The following ADAMTS9 variants were observed in gnomAD, a reference collection of about 807,000 sequenced individuals.
ADAMTS9 encodes the protein ADAM metallopeptidase with thrombospondin type 1 motif 9, also known as A disintegrin and metalloproteinase with thrombospondin motifs 9.
ADAMTS9 carries 107 observed loss-of-function variants against 257.1 expected under a neutral mutation model. The observed-to-expected ratio is 0.42, with a 90% CI of 0.36 to 0.49. ADAMTS9 has a LOEUF of 0.49. Among genes scored for constraint, ADAMTS9 ranks in the 20% least tolerant of loss-of-function variants. ADAMTS9 has a pLI of 0.03. For missense variants in ADAMTS9, 2,353 were observed against 2,469.1 expected (o/e 0.95, Z 1.00); for synonymous variants, 982 against 880.9 (o/e 1.11, Z -2.03).
At chr3:64,647,874 A>G in intron 11 of ADAMTS9, 66 bp downstream of exon 11, 1 of 1,439,136 alleles carries the variant, frequency 6.9e-7, no homozygotes, top group South Asian at 1.3e-5. Context: ...TCGGTGTCTG[A>G]TCATACACCC....
chr3:64,671,297 A>T (rs566049185), intron 3 of ADAMTS9, among the ~76,000 whole-genome samples: 1 of 152,202 alleles, frequency 6.6e-6, no homozygotes, highest in Non-Finnish European at 1.5e-5. Flanking sequence ...AAAACTATAG[A>T]GACAGAAAAC....
At position 64,591,553 on chromosome 3, in the gene ADAMTS9, A is replaced by G. The variant is rs73122223; in HGVS notation, c.4356+2705T>C. Among the ~76,000 whole-genome samples, 1,025 of 152,340 alleles carry G rather than the reference A, an allele frequency of 6.7e-3. 5 individuals are homozygous for G. The highest frequency in any genetic ancestry group is 0.018 in the South Asian group (85 of 4,830). On this transcript the variant is annotated intron_variant, in intron 28 of 39. Transcript: ENST00000498707. Reference sequence around the variant, plus strand: ...TTTCTGGAGGATATTTCTCACCATCATGATTCTTAAATCCGCAATGACTTG... The same window carrying G: ...TTTCTGGAGGATATTTCTCACCATCGTGATTCTTAAATCCGCAATGACTTG...
At chr3:64,635,705 C>G (rs1024004780) in intron 12 of ADAMTS9, among the ~76,000 whole-genome samples, 3 of 152,330 alleles carry the variant, frequency 2.0e-5, no homozygotes, top group African/African-American at 7.2e-5. Flanking sequence ...GTCTCCCAGA[C>G]TCTTCTCTGT....
intron 28 of ADAMTS9, among the ~76,000 whole-genome samples, chr3:64,575,878 A>G (rs1456086525): frequency 6.6e-6 from 1 of 152,210 alleles, no homozygotes; most frequent in African/African-American, 2.4e-5. Flanking sequence ...ATTTCTATTC[A>G]GTGGACCCTT....
intron 16 of ADAMTS9, among the ~76,000 whole-genome samples, chr3:64,625,242 T>A (rs1700198240): frequency 6.6e-6 from 1 of 152,200 alleles, no homozygotes; most frequent in African/African-American, 2.4e-5. Flanking sequence ...ATCATATTGA[T>A]GATACCTGTA....
At chr3:64,591,695 T>C (rs559166330) in intron 28 of ADAMTS9, among the ~76,000 whole-genome samples, 15 of 152,294 alleles carry the variant, frequency 9.8e-5, no homozygotes, top group Middle Eastern at 3.4e-3. Context: ...TCCTAAATAC[T>C]GCTCTTTAGT....
intron 3 of ADAMTS9, among the ~76,000 whole-genome samples, chr3:64,679,881 C>A (rs1266081497): frequency 6.6e-6 from 1 of 152,146 alleles, no homozygotes; most frequent in African/African-American, 2.4e-5. Flanking sequence ...TGACTGTATA[C>A]CTGCTGCTGA....
intron 4 of ADAMTS9, among the ~76,000 whole-genome samples, chr3:64,657,827 T>C (rs1446361283): frequency 1.3e-5 from 2 of 152,178 alleles, no homozygotes; most frequent in Non-Finnish European, 2.9e-5. Flanking sequence ...GAAGTCTGCA[T>C]AGAGAATGAT....
chr3:64,568,350 A>G lies in ADAMTS9; in HGVS notation c.4524+18T>C. 2 of 1,600,776 alleles carry G rather than the reference A, an allele frequency of 1.2e-6. No homozygotes were observed. The highest frequency in any genetic ancestry group is 1.7e-6 in the Non-Finnish European group (2 of 1,175,394). ...CCAAACGTAAGGAAGCAGTCAGTAG[A>G]GGAGAAGCATTGCTCACCTGACTCC... On this transcript the variant is annotated intron_variant, in intron 29 of 39. Coordinates refer to ENST00000498707, the MANE Select transcript of ADAMTS9 (RefSeq NM_182920.2).
chr3:64,529,797 C>A (rs2082953583), intron 38 of ADAMTS9, among the ~76,000 whole-genome samples: 1 of 152,018 alleles, frequency 6.6e-6, no homozygotes, highest in Non-Finnish European at 1.5e-5. Context: ...CTGGCCTCTC[C>A]TCAGACTGAT....
chr3:64,580,265 T>C (rs1442099386), intron 28 of ADAMTS9, among the ~76,000 whole-genome samples: 1 of 152,208 alleles, frequency 6.6e-6, no homozygotes, highest in Non-Finnish European at 1.5e-5. Flanking sequence ...ACAATGTGTC[T>C]CAGTGATCCT....
intron 3 of ADAMTS9, among the ~76,000 whole-genome samples, chr3:64,659,849 G>A (rs550161945): frequency 2.1e-4 from 32 of 151,992 alleles, no homozygotes; most frequent in Non-Finnish European, 2.9e-4. Context: ...AGTAGGGTCC[G>A]TGGACCAGCA....
intron 12 of ADAMTS9, among the ~76,000 whole-genome samples, chr3:64,637,829 T>G (rs372791480): frequency 8.5e-5 from 13 of 152,212 alleles, no homozygotes; most frequent in African/African-American, 3.1e-4. Flanking sequence ...CCAGCCCATC[T>G]TTAATGATCT....
Position 64,655,841 on chromosome 3 carries a change from T to C in ADAMTS9, c.1004A>G (p.Asn335Ser). ...ASIYKDPSIG[N>S]LINIVIVNLI... ...GTTCACAATAACAATATTAATTAAA[T>C]TTCCAATACTTGGGTCTTTATAGAT... The change falls in exon 5 of 40, where the codon AAT becomes AGT. Residue 335 changes from asparagine (N) to serine (S), a missense_variant. Around this residue, in one of 3 missense-constraint regions of ADAMTS9, gnomAD observed 591 missense variants for 569.6 expected, o/e 1.04. Coordinates refer to ENST00000498707, the MANE Select transcript of ADAMTS9 (RefSeq NM_182920.2). The C allele has an allele frequency of 6.4e-7, 1 of 1,571,362 alleles. No individual in the cohort carries two copies. The highest frequency in any genetic ancestry group is 8.6e-7 in the Non-Finnish European group (1 of 1,165,036).
rs748796143 is a variant in ADAMTS9 at position 64,622,404 on chromosome 3, A to C, written c.2556+16T>G. ...AGCAGAAGAAAAGGGTGGTGGGCTC[A>C]TGGTCAAGTTTTTACCTGAAGCAAA... On this transcript the variant is annotated intron_variant, in intron 17 of 39. Transcript: ENST00000498707. 2 of 1,613,744 alleles carry C rather than the reference A, an allele frequency of 1.2e-6. No homozygotes were observed. Among genetic ancestry groups the C allele is most frequent in the Non-Finnish European group, 1.7e-6 (2 of 1,179,796 alleles).
At position 64,586,547 on chromosome 3, in the gene ADAMTS9, G is replaced by A. The variant is rs183628365; in HGVS notation, c.4356+7711C>T. On this transcript the variant is annotated intron_variant, in intron 28 of 39. Coordinates refer to ENST00000498707, the MANE Select transcript of ADAMTS9 (RefSeq NM_182920.2). The stretch of plus-strand genomic sequence containing the variant: ...ATCTGTCAGATTATAATTTAATTCA[G>A]GATGTTGCCCTAAACGGGGGGAAAA... Among the ~76,000 whole-genome samples the A allele has an allele frequency of 7.0e-4, 106 of 152,166 alleles. 1 individual carries two copies. Among genetic ancestry groups the A allele is most frequent in the Non-Finnish European group, 1.2e-3 (82 of 67,980 alleles).
rs1576166034 is a variant in ADAMTS9, at chr3:64,655,611, A to C, written c.1134T>G (p.Gly378=). 6.2e-7 allele frequency: 1 copy of C among 1,614,154 alleles called. No individual in the cohort carries two copies. Among genetic ancestry groups the C allele is most frequent in the East Asian group, 2.2e-5 (1 of 44,882 alleles). ...GAACAGCAGTATCATGATGGATTCC[A>C]CCTGGACTGTTCTTCGAATGCTGCC... ...CQWQHSKNSP[G]GIHHDTAVLL... The change falls in exon 6 of 40, where the codon GGT becomes GGG. Residue 378 remains glycine (G), a synonymous_variant. Coordinates refer to ENST00000498707, the MANE Select transcript of ADAMTS9 (RefSeq NM_182920.2).
chr3:64,630,733 T>C (rs1257995847), intron 16 of ADAMTS9, among the ~76,000 whole-genome samples: 1 of 152,174 alleles, frequency 6.6e-6, no homozygotes, highest in Non-Finnish European at 1.5e-5. Context: ...CACGTTTACC[T>C]ATGTAACAAA....
At position 64,687,409 on chromosome 3, in the gene ADAMTS9, G is replaced by A; in HGVS notation, c.115+134C>T. 1.3e-6 allele frequency: 1 copy of A among 776,468 alleles called. No homozygotes were observed. The highest frequency in any genetic ancestry group is 2.0e-6 in the Non-Finnish European group (1 of 507,866). The allele number at this position is 776,468 out of a possible 1,614,324, so 48.1% of individuals were successfully genotyped here. A position where few individuals can be genotyped will look rare whatever the true frequency, so the allele number is the denominator to read the frequency against. ...GGTTGGGGATGACCCAAAGAAGGGA[G>A]AGGCTGCAAAGCGGGAGATAATTCT... On this transcript the variant is annotated intron_variant, in intron 1 of 39. Coordinates refer to ENST00000498707, the MANE Select transcript of ADAMTS9 (RefSeq NM_182920.2). The surrounding 1 kb of genome is among the most constrained non-coding windows in gnomAD (Gnocchi z 4.4).
Sources: allele counts gnomAD v4.1 joint callset (sites outside exome capture counted in the v4.1 genomes callset), GRCh38; gene constraint gnomAD v4.1.1; regional missense constraint gnomAD v4.1.1; non-coding constraint Gnocchi (gnomAD v3.1); transcripts MANE v1.5; gene names NCBI Gene and HGNC (gene_info 2026-07-23, HGNC 2026-07-21).